Variants in EIF2B3 observed in about 807,000 individuals in gnomAD.
The protein encoded by EIF2B3 is eukaryotic translation initiation factor 2B subunit gamma.
A neutral mutation model predicts 54.1 loss-of-function variants in EIF2B3; 20 were observed. That is an observed-to-expected ratio of 0.37 (90% CI 0.26 to 0.54). The LOEUF (loss-of-function observed/expected upper bound fraction) is 0.54, where lower values mean the gene tolerates loss of function less well. Ranked by LOEUF, EIF2B3 falls within the 20% of genes least tolerant of loss-of-function variation. The pLI, the probability that EIF2B3 is intolerant of heterozygous loss-of-function variation, is 0.86. For missense variants in EIF2B3, 448 were observed against 547.8 expected, an observed-to-expected ratio of 0.82 and a Z score of 1.82; for synonymous variants, 153 against 188.1, an observed-to-expected ratio of 0.81 and a Z score of 1.52.
At chr1:44,941,815 G>A (rs1394821176) in intron 3 of EIF2B3, 150 bp from the exon 4 acceptor site, 1 of 950,808 alleles carries the variant, frequency 1.1e-6, no homozygotes, top group Non-Finnish European at 1.6e-6. Flanking sequence ...AATAAATGGG[G>A]TTGTTCTCAT....
intron 10 of EIF2B3, among the ~76,000 whole-genome samples, chr1:44,867,897 G>T (rs149388496): frequency 6.6e-6 from 1 of 150,704 alleles, no homozygotes; most frequent in South Asian, 2.1e-4. Flanking sequence ...AAAATTTGCC[G>T]TGTAGTGGCA....
intron 8 of EIF2B3, among the ~76,000 whole-genome samples, chr1:44,876,303 C>T (rs1457029225): frequency 6.7e-6 from 1 of 149,186 alleles, no homozygotes; most frequent in Non-Finnish European, 1.5e-5. Context: ...AAGTGAGGAG[C>T]GTCTCTGCCC....
At chr1:44,870,487 T>C (rs1039520451) in intron 10 of EIF2B3, among the ~76,000 whole-genome samples, 1 of 152,174 alleles carries the variant, frequency 6.6e-6, no homozygotes, top group Non-Finnish European at 1.5e-5. Context: ...GTCCCCTTCT[T>C]GCTCATTCCT....
chr1:44,934,661 C>T (rs541025506), intron 4 of EIF2B3, among the ~76,000 whole-genome samples: 4 of 152,016 alleles, frequency 2.6e-5, no homozygotes, highest in Non-Finnish European at 5.9e-5. Flanking sequence ...CCCACCACCA[C>T]GCCCAGCTAA....
chr1:44,877,914 A>G (rs1201410751), intron 8 of EIF2B3, among the ~76,000 whole-genome samples: 1 of 152,116 alleles, frequency 6.6e-6, no homozygotes, highest in Non-Finnish European at 1.5e-5. Context: ...CACTCCACCC[A>G]AGGCCCTTCA....
In EIF2B3 at chr1:44,981,004, A is replaced by G; in HGVS notation, c.148+17T>C. ...TAAAAGTTTTATGAGTTCACAGCTC[A>G]CTTTGTCATAGCTCACCTTCAAATC... is the stretch of plus-strand genomic sequence containing the variant. On this transcript the variant is annotated intron_variant, in intron 2 of 11. Coordinates refer to ENST00000360403, the MANE Select transcript of EIF2B3 (RefSeq NM_020365.5). 6.2e-7 allele frequency: 1 copy of G among 1,613,832 alleles called. No homozygotes were observed. Among genetic ancestry groups the G allele is most frequent in the South Asian group, 1.1e-5 (1 of 91,078 alleles).
chr1:44,897,281 G>C lies in EIF2B3; in HGVS notation c.656+74C>G. The C allele has an allele frequency of 3.7e-6, 4 of 1,084,170 alleles. No homozygotes were observed. The East Asian group carries it at 9.7e-5, about 26-fold the overall frequency. 67.2% of individuals were successfully genotyped at this position (1,084,170 alleles called of 1,614,324 possible). A position where few individuals can be genotyped will look rare whatever the true frequency, so the allele number is the denominator to read the frequency against. On this transcript the variant is annotated intron_variant, in intron 6 of 11. Coordinates refer to ENST00000360403, the MANE Select transcript of EIF2B3 (RefSeq NM_020365.5). ...AGAAACTGGTTATCTAAATTATGAA[G>C]GTTTAAAATTTAAGGAATTCACAAA...
At chr1:44,861,169 A>G (rs542418587) in intron 10 of EIF2B3, among the ~76,000 whole-genome samples, 47 of 152,308 alleles carry the variant, frequency 3.1e-4, no homozygotes, top group Non-Finnish European at 7.4e-5. Flanking sequence ...GAGAGCTTCC[A>G]TAACTTTCCA....
rs112139490 is a variant in EIF2B3 at position 44,860,748 on chromosome 1, C to T, written c.1203-2941G>A. ...TTCCTAACAAGGGGATATTCAGTAC[C>T]CGAGTCAGAAATGGGAAGAGAAAAA... On this transcript the variant is annotated intron_variant, in intron 10 of 11. Transcript: ENST00000360403. Among the ~76,000 whole-genome samples, 584 of 152,020 alleles carry T rather than the reference C, an allele frequency of 3.8e-3. 3 individuals are homozygous for T. Among genetic ancestry groups the T allele is most frequent in the African/African-American group, 0.013 (552 of 41,454 alleles).
intron 3 of EIF2B3, among the ~76,000 whole-genome samples, chr1:44,972,046 A>G (rs189939458): frequency 1.8e-3 from 268 of 151,980 alleles, no homozygotes; most frequent in Non-Finnish European, 3.0e-3. Context: ...ACAAAAAAAC[A>G]AACAAACAAA....
At position 44,978,293 on chromosome 1, in the gene EIF2B3, G is replaced by A. The variant is rs754161506; in HGVS notation, c.294+22C>T. 17 of 1,613,122 alleles carry A rather than the reference G, an allele frequency of 1.1e-5. 1 individual carries two copies. The South Asian group carries it at 1.4e-4, about 14-fold the overall frequency. On this transcript the variant is annotated intron_variant, in intron 3 of 11. Coordinates refer to ENST00000360403, the MANE Select transcript of EIF2B3 (RefSeq NM_020365.5). Reference sequence around the variant, plus strand: ...ATCATCTATCTTCAATAAACAAGAAGAGTCAAAAAATTGCTTTTCACCTTA... The same window carrying A: ...ATCATCTATCTTCAATAAACAAGAAAAGTCAAAAAATTGCTTTTCACCTTA...
chr1:44,953,287 CTCTGGTCCAATT>C (rs1207700858), intron 3 of EIF2B3, among the ~76,000 whole-genome samples: 13 of 151,678 alleles, frequency 8.6e-5, no homozygotes, highest in East Asian at 1.9e-4. Flanking sequence ...ACCAGCCTCA[CTCTGGTCCAATT>C]TCTGGTCCAA....
At chr1:44,922,679 T>C (rs1643773263) in intron 5 of EIF2B3, among the ~76,000 whole-genome samples, 1 of 151,532 alleles carries the variant, frequency 6.6e-6, no homozygotes, top group African/African-American at 2.4e-5. Context: ...GAACATGGAA[T>C]ATCTTTCCAT....
intron 5 of EIF2B3, among the ~76,000 whole-genome samples, chr1:44,915,883 T>C (rs1284925589): frequency 6.6e-6 from 1 of 152,212 alleles, no homozygotes; most frequent in Non-Finnish European, 1.5e-5. Flanking sequence ...AAAGATACTA[T>C]TTCTTAGAAG....
intron 5 of EIF2B3, among the ~76,000 whole-genome samples, chr1:44,910,614 C>T (rs1422488607): frequency 1.3e-5 from 2 of 150,174 alleles, no homozygotes; most frequent in Non-Finnish European, 3.0e-5. Flanking sequence ...TATCCCTCCC[C>T]ACCCCCCCAA....
chr1:44,867,356 G>A (rs752064545), intron 10 of EIF2B3, among the ~76,000 whole-genome samples: 15 of 152,090 alleles, frequency 9.9e-5, no homozygotes, highest in Non-Finnish European at 1.8e-4. Flanking sequence ...GCCAGAACAT[G>A]AGAAAGATGG....
rs111822832 is a variant in EIF2B3 at position 44,896,075 on chromosome 1, C to G, written c.656+1280G>C. On this transcript the variant is annotated intron_variant, in intron 6 of 11. Transcript: ENST00000360403. ...TACCCTGCTATCTAAAAAGCAAGGT[C>G]TCCACATTCCACCATGAGCTTAGGC... 4.3e-3 allele frequency among the ~76,000 whole-genome samples: 652 copies of G among 152,296 alleles called. 1 individual carries two copies. Among genetic ancestry groups the G allele is most frequent in the Non-Finnish European group, 6.2e-3 (420 of 68,022 alleles).
At chr1:44,873,640 T>G (rs1480803696) in intron 10 of EIF2B3, among the ~76,000 whole-genome samples, 2 of 151,844 alleles carry the variant, frequency 1.3e-5, no homozygotes, top group African/African-American at 4.8e-5. Flanking sequence ...TTATTTTTTA[T>G]TTATTTATTT....
rs534546221 is a variant in EIF2B3, at chr1:44,913,061, G to A, written c.566+13567C>T. Among the ~76,000 whole-genome samples the A allele has an allele frequency of 9.6e-5, 13 of 135,102 alleles. No homozygotes were observed. The East Asian group carries it at 2.6e-3, about 27-fold the overall frequency. 88.6% of individuals were successfully genotyped at this position (135,102 alleles called of 152,430 possible). On this transcript the variant is annotated intron_variant, in intron 5 of 11. Coordinates refer to ENST00000360403, the MANE Select transcript of EIF2B3 (RefSeq NM_020365.5). ...AATGACCTTCCAGCTGTGGCAGTTC[G>A]TAATTCTAGAAATATTACATTGGTG...
Sources: allele counts gnomAD v4.1 joint callset (sites outside exome capture counted in the v4.1 genomes callset), GRCh38; gene constraint gnomAD v4.1.1; transcripts MANE v1.5; gene names NCBI Gene and HGNC (gene_info 2026-07-23, HGNC 2026-07-21).